MYLK: variants seen among roughly 807,000 people sequenced by gnomAD.
MYLK encodes myosin light chain kinase.
A neutral mutation model predicts 203.4 loss-of-function variants in MYLK; 106 were observed. The ratio of observed to expected loss-of-function variants is 0.52; its 90% CI spans 0.45 to 0.61. MYLK has a LOEUF of 0.61. Among genes scored for constraint, MYLK ranks in the 20% least tolerant of loss-of-function variants. MYLK has a pLI of 0.00. For missense variants in MYLK, 2,072 were observed against 2,442.3 expected, an observed-to-expected ratio of 0.85 and a Z score of 3.20; for synonymous variants, 867 against 959.5, an observed-to-expected ratio of 0.90 and a Z score of 1.78.
chr3:123,849,315 T>C (rs1472487157), intron 2 of MYLK, among the ~76,000 whole-genome samples: 1 of 152,180 alleles, frequency 6.6e-6, no homozygotes, highest in Non-Finnish European at 1.5e-5. Flanking sequence ...TAAATGCATT[T>C]AAGGCCATAA....
intron 22 of MYLK, among the ~76,000 whole-genome samples, chr3:123,665,082 C>T (rs1317206584): frequency 6.6e-6 from 1 of 152,192 alleles, no homozygotes; most frequent in Admixed American, 6.5e-5. Flanking sequence ...CTGAAAACCA[C>T]TGAAGTGTAC....
intron 4 of MYLK, among the ~76,000 whole-genome samples, chr3:123,754,479 G>A (rs369467316): frequency 6.6e-5 from 10 of 152,202 alleles, no homozygotes; most frequent in African/African-American, 2.4e-4. Context: ...GTACTTTGGA[G>A]GAAATGCTGA....
At chr3:123,845,697 G>A (rs1022120825) in intron 2 of MYLK, among the ~76,000 whole-genome samples, 12 of 151,870 alleles carry the variant, frequency 7.9e-5, no homozygotes, top group Admixed American at 7.2e-4. Context: ...GCTCTGTAGC[G>A]CAGGCTGGAG....
chr3:123,625,651 A>C (rs1021069181), intron 31 of MYLK, among the ~76,000 whole-genome samples: 29 of 151,750 alleles, frequency 1.9e-4, no homozygotes, highest in Non-Finnish European at 1.5e-5. Flanking sequence ...CACTAAAAAT[A>C]CAAAAAATTA....
chr3:123,620,501 C>A, intron 31 of MYLK, 165 bp from the exon 32 acceptor site: 1 of 1,521,664 alleles, frequency 6.6e-7, no homozygotes, highest in Non-Finnish European at 8.8e-7. Flanking sequence ...CCCAACCTTG[C>A]TCTGCTCAGC....
chr3:123,610,219 AT>A lies in MYLK; in HGVS notation c.*3885del, dbSNP rs966132580. 4 of 152,100 alleles carry A rather than the reference AT, an allele frequency of 2.6e-5. No homozygotes were observed. Among genetic ancestry groups the A allele is most frequent in the African/African-American group, 9.7e-5 (4 of 41,420 alleles). The allele number at this position is 152,100 out of a possible 1,614,324, so 9.4% of individuals were successfully genotyped here. Reference sequence around the variant, plus strand: ...ATACAACTGAGGAACTGAATTTTTTATTTTATTTTTTAAAGTAACTTAAATT... The same window carrying A: ...ATACAACTGAGGAACTGAATTTTTTATTTATTTTTTAAAGTAACTTAAATT... On this transcript the variant is annotated 3_prime_UTR_variant, in exon 34 of 34. Coordinates refer to ENST00000360304, the MANE Select transcript of MYLK (RefSeq NM_053025.4).
intron 33 of MYLK, chr3:123,617,397 C>T (rs1391971094): frequency 7.9e-5 from 12 of 152,156 alleles, no homozygotes. Flanking sequence ...AATCCCCAGT[C>T]CGAGAATTTT....
intron 11 of MYLK, among the ~76,000 whole-genome samples, chr3:123,727,471 A>G (rs2062330599): frequency 2.6e-5 from 4 of 152,258 alleles, no homozygotes; most frequent in African/African-American, 9.6e-5. Context: ...ACCTTACTAA[A>G]GATCAGTATT....
intron 3 of MYLK, among the ~76,000 whole-genome samples, chr3:123,808,947 T>A (rs1219228123): frequency 6.6e-6 from 1 of 152,198 alleles, no homozygotes; most frequent in Non-Finnish European, 1.5e-5. Flanking sequence ...GGTCTCTGAT[T>A]CCAGGCTTCA....
chr3:123,874,758 C>T (rs1048450955), intron 2 of MYLK, among the ~76,000 whole-genome samples: 3 of 151,998 alleles, frequency 2.0e-5, no homozygotes, highest in Non-Finnish European at 2.9e-5. Context: ...GATTAATGTC[C>T]AGAATATATA....
intron 23 of MYLK, among the ~76,000 whole-genome samples, chr3:123,663,725 G>A (rs1046298248): frequency 6.6e-6 from 1 of 152,116 alleles, no homozygotes; most frequent in African/African-American, 2.4e-5. Context: ...AGTCAGGATG[G>A]GGACAGATAC....
chr3:123,647,561 CCCTGCCTG>C, intron 26 of MYLK, 134 bp from the exon 27 acceptor site: 1 of 764,996 alleles, frequency 1.3e-6, no homozygotes, highest in Non-Finnish European at 2.2e-6. Context: ...TGGAGCACAG[CCCTGCCTG>C]GCTGTTTGCA....
chr3:123,824,281 G>A (rs1018368189), intron 3 of MYLK, among the ~76,000 whole-genome samples: 4 of 152,012 alleles, frequency 2.6e-5, no homozygotes, highest in Non-Finnish European at 5.9e-5. Flanking sequence ...GTAGAGACAG[G>A]GTTTCACTAT....
chr3:123,740,963 C>T (rs1405774116), intron 5 of MYLK, among the ~76,000 whole-genome samples: 1 of 152,156 alleles, frequency 6.6e-6, no homozygotes, highest in Non-Finnish European at 1.5e-5. Flanking sequence ...CATGAAATAA[C>T]TCTAAAGTAG....
chr3:123,628,134 G>T (rs1440096304), intron 30 of MYLK, among the ~76,000 whole-genome samples: 1 of 152,142 alleles, frequency 6.6e-6, no homozygotes, highest in Non-Finnish European at 1.5e-5. Flanking sequence ...TTCTGATACA[G>T]ACTGTGACAG....
chr3:123,667,733 G>A (rs1247220062), intron 20 of MYLK, among the ~76,000 whole-genome samples: 1 of 152,136 alleles, frequency 6.6e-6, no homozygotes, highest in Non-Finnish European at 1.5e-5. Context: ...GGTCTCTGAA[G>A]CCTCCAATGA....
chr3:123,778,207 T>C (rs779026214), intron 4 of MYLK, among the ~76,000 whole-genome samples: 14 of 152,198 alleles, frequency 9.2e-5, no homozygotes, highest in Non-Finnish European at 2.1e-4. Context: ...TCTTTTTACA[T>C]ATACACACAG....
intron 3 of MYLK, among the ~76,000 whole-genome samples, chr3:123,814,736 T>A (rs1312894283): frequency 6.6e-6 from 1 of 152,208 alleles, no homozygotes; most frequent in Non-Finnish European, 1.5e-5. Flanking sequence ...CTATTTAGGT[T>A]GCTTCCAATT....
chr3:123,795,245 T>C (rs1480964140), intron 3 of MYLK, among the ~76,000 whole-genome samples: 1 of 152,238 alleles, frequency 6.6e-6, no homozygotes, highest in Non-Finnish European at 1.5e-5. Context: ...AAGTTGCTTT[T>C]AAGAAATTTG....
Sources: gnomAD v4.1 joint callset for allele counts (sites outside exome capture counted in the v4.1 genomes callset) on GRCh38, gnomAD v4.1.1 for gene constraint, MANE v1.5 for transcripts, NCBI Gene and HGNC (gene_info 2026-07-23, HGNC 2026-07-21) for gene names.